The following RIN2 variants were observed in gnomAD, a reference collection of about 807,000 sequenced individuals.
RIN2 encodes the protein Ras and Rab interactor 2.
Under a neutral mutation model 78.0 loss-of-function variants are expected in RIN2, and 36 were observed. The ratio of observed to expected loss-of-function variants is 0.46; its 90% CI spans 0.35 to 0.61. RIN2 has a LOEUF of 0.61. Ranked by LOEUF, RIN2 falls within the 20% of genes least tolerant of loss-of-function variation. The pLI, the probability that RIN2 is intolerant of heterozygous loss-of-function variation, is 0.00. For synonymous variants in RIN2, 466 were observed against 466.8 expected, an observed-to-expected ratio of 1.00 and a Z score of 0.02; for missense variants, 1,087 against 1,159.7, an observed-to-expected ratio of 0.94 and a Z score of 0.91.
At chr20:19,944,279 T>C (rs2146176034) in intron 4 of RIN2, among the ~76,000 whole-genome samples, 1 of 152,294 alleles carries the variant, frequency 6.6e-6, no homozygotes, top group African/African-American at 2.4e-5. Flanking sequence ...CTTCCACAAG[T>C]TGTTGATCCC....
intron 6 of RIN2, among the ~76,000 whole-genome samples, chr20:19,964,384 C>T (rs903712005): frequency 6.6e-6 from 1 of 152,158 alleles, no homozygotes; most frequent in Non-Finnish European, 1.5e-5. Context: ...GCTGGGATTA[C>T]ATGCATGAGG....
intron 1 of RIN2, among the ~76,000 whole-genome samples, chr20:19,780,417 C>T (rs1297601579): frequency 6.6e-6 from 1 of 152,056 alleles, no homozygotes; most frequent in Admixed American, 6.6e-5. Context: ...GCCCTGCTAC[C>T]CACTGAGATA....
At chr20:19,926,284 A>G (rs2146078157) in intron 3 of RIN2, among the ~76,000 whole-genome samples, 1 of 152,290 alleles carries the variant, frequency 6.6e-6, no homozygotes, top group African/African-American at 2.4e-5. Flanking sequence ...TGTAATTACA[A>G]TTAAATATCA....
intron 3 of RIN2, among the ~76,000 whole-genome samples, chr20:19,928,077 AT>A (rs1252222974): frequency 6.6e-6 from 1 of 151,574 alleles, no homozygotes; most frequent in Non-Finnish European, 1.5e-5. Flanking sequence ...TAATTTTTGT[AT>A]TTTTAGTAGA....
At chr20:19,796,807 T>G (rs949271058) in intron 1 of RIN2, among the ~76,000 whole-genome samples, 1 of 152,238 alleles carries the variant, frequency 6.6e-6, no homozygotes, top group African/African-American at 2.4e-5. Context: ...TTCTGCCAAG[T>G]AATTTCAGTG....
At chr20:19,901,788 C>T (rs529397124) in intron 3 of RIN2, among the ~76,000 whole-genome samples, 1 of 152,070 alleles carries the variant, frequency 6.6e-6, no homozygotes, top group African/African-American at 2.4e-5. Flanking sequence ...AGGCCAAGGC[C>T]AGCAGATCAC....
At chr20:19,844,595 T>TCC (rs1377675880) in intron 2 of RIN2, among the ~76,000 whole-genome samples, 1 of 58,404 alleles carries the variant, frequency 1.7e-5, no homozygotes, top group Non-Finnish European at 3.7e-5. Flanking sequence ...CTGCTGCTGC[T>TCC]TCTTCCTCTT....
chr20:19,811,633 T>C (rs1441837906), intron 2 of RIN2, among the ~76,000 whole-genome samples: 7 of 152,186 alleles, frequency 4.6e-5, no homozygotes, highest in Non-Finnish European at 1.0e-4. Context: ...GCAGAAACTG[T>C]ATGCCTACAA....
chr20:19,789,929 C>T (rs943148379), intron 1 of RIN2, among the ~76,000 whole-genome samples: 2 of 152,166 alleles, frequency 1.3e-5, no homozygotes, highest in Non-Finnish European at 2.9e-5. Flanking sequence ...AGAGGCTTCC[C>T]TGCTTTTTCT....
intron 3 of RIN2, among the ~76,000 whole-genome samples, chr20:19,897,879 T>A (rs1467720990): frequency 6.6e-6 from 1 of 152,070 alleles, no homozygotes; most frequent in Non-Finnish European, 1.5e-5. Flanking sequence ...GCCTGGCAAC[T>A]TTTATTTTAG....
intron 2 of RIN2, among the ~76,000 whole-genome samples, chr20:19,822,755 T>C (rs199866919): frequency 6.6e-6 from 1 of 152,184 alleles, no homozygotes; most frequent in Non-Finnish European, 1.5e-5. Flanking sequence ...TATGGTCACT[T>C]TTTGTTGCTC....
intron 2 of RIN2, among the ~76,000 whole-genome samples, chr20:19,808,921 T>C (rs1266907786): frequency 6.6e-6 from 1 of 152,132 alleles, no homozygotes; most frequent in African/African-American, 2.4e-5. Context: ...CCTAAAGGGA[T>C]GCGGTCCAGG....
intron 2 of RIN2, among the ~76,000 whole-genome samples, chr20:19,869,351 A>C (rs897159776): frequency 2.0e-5 from 3 of 152,230 alleles, no homozygotes; most frequent in Non-Finnish European, 4.4e-5. Flanking sequence ...CAAGACCCTC[A>C]CTATTCCTTC....
chr20:19,992,802 C>T (rs1357277950), intron 11 of RIN2, among the ~76,000 whole-genome samples: 1 of 152,112 alleles, frequency 6.6e-6, no homozygotes, highest in Non-Finnish European at 1.5e-5. Flanking sequence ...AGGATATTTC[C>T]ATTGCCAGGA....
At chr20:19,763,754 A>G (rs2033750334) in intron 1 of RIN2, among the ~76,000 whole-genome samples, 1 of 152,220 alleles carries the variant, frequency 6.6e-6, no homozygotes, top group Admixed American at 6.5e-5. Flanking sequence ...ACGTTGAATG[A>G]TGCTCCATGA....
At chr20:19,815,655 A>G (rs1047261057) in intron 2 of RIN2, among the ~76,000 whole-genome samples, 4 of 151,984 alleles carry the variant, frequency 2.6e-5, no homozygotes, top group Non-Finnish European at 4.4e-5. Flanking sequence ...TTTCCCCTCA[A>G]CCTTTTCTTT....
intron 7 of RIN2, among the ~76,000 whole-genome samples, chr20:19,966,960 C>T (rs901937082): frequency 2.6e-5 from 4 of 152,158 alleles, no homozygotes; most frequent in Admixed American, 6.5e-5. Context: ...GGGAACCACA[C>T]CTGGTATGGC....
chr20:19,796,050 GAGAA>G (rs927389823), intron 1 of RIN2, among the ~76,000 whole-genome samples: 11 of 149,698 alleles, frequency 7.3e-5, no homozygotes, highest in Non-Finnish European at 1.3e-4. Flanking sequence ...AAGAAGAGAA[GAGAA>G]AGAAAGAGAA....
At chr20:19,926,235 T>C (rs905822599) in intron 3 of RIN2, among the ~76,000 whole-genome samples, 5 of 152,236 alleles carry the variant, frequency 3.3e-5, no homozygotes, top group Non-Finnish European at 5.9e-5. Context: ...AGTACAATCA[T>C]TTATTTTCTT....
Sources: allele counts gnomAD v4.1 joint callset (sites outside exome capture counted in the v4.1 genomes callset), GRCh38; gene constraint gnomAD v4.1.1; transcripts MANE v1.5; gene names NCBI Gene and HGNC (gene_info 2026-07-23, HGNC 2026-07-21).